RGMA: variants seen among roughly 807,000 people sequenced by gnomAD.
RGMA encodes the protein repulsive guidance molecule A.
In RGMA, 10 loss-of-function variants were observed where a neutral mutation model predicts 23.2. That is an observed-to-expected ratio of 0.43 (90% CI 0.27 to 0.73). The LOEUF (loss-of-function observed/expected upper bound fraction) is 0.73, where lower values mean the gene tolerates loss of function less well. Among genes scored for constraint, RGMA ranks in the 30% least tolerant of loss-of-function variants. The probability of loss-of-function intolerance (pLI) is 0.20; values close to 1 mark genes in which losing one functional copy is unlikely to be tolerated. For missense variants in RGMA, 547 were observed against 630.5 expected (o/e 0.87, Z 1.42); for synonymous variants, 308 against 279.3 (o/e 1.10, Z -1.03).
At chr15:93,057,590 G>A (rs2055035143) in intron 2 of RGMA, among the ~76,000 whole-genome samples, 1 of 152,118 alleles carries the variant, frequency 6.6e-6, no homozygotes. Flanking sequence ...CCTAGGCTGG[G>A]GTATTTTCTT....
chr15:93,074,942 C>T (rs554084962), intron 1 of RGMA, among the ~76,000 whole-genome samples: 1 of 152,272 alleles, frequency 6.6e-6, no homozygotes, highest in East Asian at 1.9e-4. Context: ...TTCCAAGTCA[C>T]CTGGACAGTA....
chr15:93,044,978 C>G lies in RGMA; in HGVS notation c.*20G>C. On this transcript the variant is annotated 3_prime_UTR_variant, in exon 4 of 4. Coordinates refer to ENST00000329082, the MANE Select transcript of RGMA (RefSeq NM_020211.3). ...GAAGCCGAGAGGACGGAGCCCGCGC[C>G]TCCCTCCACATCTACGCGTCTAGCA... 1,758 of 1,468,440 alleles carry G rather than the reference C, an allele frequency of 1.2e-3. No individual in the cohort carries two copies. The highest frequency in any genetic ancestry group is 1.5e-3 in the Non-Finnish European group (1,616 of 1,060,374). 91.0% of individuals were successfully genotyped at this position (1,468,440 alleles called of 1,614,324 possible). A position where few individuals can be genotyped will look rare whatever the true frequency, so the allele number is the denominator to read the frequency against.
intron 2 of RGMA, among the ~76,000 whole-genome samples, chr15:93,053,462 T>A (rs2054961668): frequency 6.6e-6 from 1 of 152,232 alleles, no homozygotes; most frequent in Non-Finnish European, 1.5e-5. Context: ...AGCCCAGTCC[T>A]GGCCTGGGTG....
chr15:93,065,522 C>A, intron 2 of RGMA: 1 of 625,372 alleles, frequency 1.6e-6, no homozygotes, highest in Non-Finnish European at 3.1e-6. Context: ...GGGTAGGGTA[C>A]AGGTCAGTTG....
chr15:93,048,337 G>A (rs1228432687), intron 3 of RGMA, among the ~76,000 whole-genome samples: 1 of 152,114 alleles, frequency 6.6e-6, no homozygotes, highest in African/African-American at 2.4e-5. Context: ...GCTGGGAGGA[G>A]CTGAACGAGG....
intron 2 of RGMA, 21 bp downstream of exon 2, chr15:93,072,895 G>A: frequency 6.3e-7 from 1 of 1,584,550 alleles, no homozygotes; most frequent in Non-Finnish European, 8.6e-7. Context: ...GGCCCCGCGC[G>A]CCCGGCCGGC....
chr15:93,058,843 G>T (rs1186064525), intron 2 of RGMA, among the ~76,000 whole-genome samples: 1 of 152,190 alleles, frequency 6.6e-6, no homozygotes, highest in African/African-American at 2.4e-5. Context: ...AAGAGTTCTT[G>T]TCTTGGGGGC....
intron 1 of RGMA, 143 bp from the exon 2 acceptor site, chr15:93,073,174 G>C (rs1424700335): frequency 8.3e-6 from 10 of 1,202,984 alleles, no homozygotes; most frequent in Non-Finnish European, 1.0e-5. Flanking sequence ...TTCCCGCGCC[G>C]CCCCCCGCGC....
chr15:93,086,429 T>G (rs1416482009), intron 1 of RGMA, among the ~76,000 whole-genome samples: 1 of 152,200 alleles, frequency 6.6e-6, no homozygotes, highest in Non-Finnish European at 1.5e-5. Context: ...TTCTTTCATG[T>G]CTATACTGCA....
chr15:93,051,403 AC>A (rs1254561262), intron 3 of RGMA, among the ~76,000 whole-genome samples: 1 of 152,214 alleles, frequency 6.6e-6, no homozygotes, highest in African/African-American at 2.4e-5. Context: ...CATCGCCTGA[AC>A]TGGGAGCCAC....
chr15:93,088,805 C>T, intron 1 of RGMA, 114 bp downstream of exon 1: 3 of 1,016,512 alleles, frequency 3.0e-6, no homozygotes, highest in Non-Finnish European at 4.3e-6. Context: ...AAGATGGGAG[C>T]AAGATGAGAC....
At chr15:93,047,407 C>T (rs953130581) in intron 3 of RGMA, among the ~76,000 whole-genome samples, 3 of 152,210 alleles carry the variant, frequency 2.0e-5, no homozygotes, top group Admixed American at 6.5e-5. Context: ...GGACTCCCAG[C>T]CTGAAGCCAC....
intron 3 of RGMA, among the ~76,000 whole-genome samples, chr15:93,049,811 G>GAGTC (rs2054888428): frequency 6.6e-6 from 1 of 152,238 alleles, no homozygotes; most frequent in African/African-American, 2.4e-5. Flanking sequence ...GGGACAGATG[G>GAGTC]AGTCTCTGGC....
At position 93,046,866 on chromosome 15, in the gene RGMA, C is replaced by A. The variant is rs539462266; in HGVS notation, c.646-1161G>T. ...GGAGCCTGTGGCCAGGGGTGAGGGG[C>A]TGGACTGAGCTGCTGGAGCAGCAGC... On this transcript the variant is annotated intron_variant, in intron 3 of 3. Coordinates refer to ENST00000329082, the MANE Select transcript of RGMA (RefSeq NM_020211.3). Among the ~76,000 whole-genome samples the A allele has an allele frequency of 4.6e-5, 7 of 151,482 alleles. No homozygotes were observed. In the South Asian group the frequency reaches 1.3e-3, roughly 27 times the overall value.
chr15:93,087,464 CA>C (rs60714695), intron 1 of RGMA, among the ~76,000 whole-genome samples: 770 of 74,516 alleles, frequency 0.01, 5 homozygotes, highest in African/African-American at 0.037. Context: ...TTTGTATGTG[CA>C]AAAAAAAAAA....
chr15:93,060,816 C>G (rs1430935991), intron 2 of RGMA, among the ~76,000 whole-genome samples: 1 of 152,252 alleles, frequency 6.6e-6, no homozygotes, highest in Middle Eastern at 3.2e-3. Context: ...AGGGCTGGCC[C>G]CTCCTGCTCT....
Position 93,045,194 on chromosome 15 carries a change from C to T in RGMA, c.1157G>A (p.Gly386Asp), listed in dbSNP as rs2054800730. Residue 386 changes from glycine (G) to aspartate (D), a missense_variant, in exon 4 of 4, where the codon GGC (glycine) becomes GAC (aspartate). This residue lies in a region of RGMA where 205 missense variants were observed against 204.1 expected (regional missense o/e 1.00). Transcript: ENST00000329082. The surrounding 1 kb of genome is among the most constrained non-coding windows in gnomAD (Gnocchi z 6.9). The stretch of plus-strand genomic sequence containing the variant: ...GGCGGCCAGTGTGAAGTTCACGTCG[C>T]CCGTGGTGAGGAGGTCGAAGACGCA... Reference protein sequence around the residue: ...QACVFDLLTTGDVNFTLAAYY... With the variant: ...QACVFDLLTTDDVNFTLAAYY... The T allele has an allele frequency of 1.9e-6, 3 of 1,610,318 alleles. No individual in the cohort carries two copies. The East Asian group carries it at 6.7e-5, about 36-fold the overall frequency.
At chr15:93,060,373 G>C (rs1439296380) in intron 2 of RGMA, among the ~76,000 whole-genome samples, 1 of 152,166 alleles carries the variant, frequency 6.6e-6, no homozygotes, top group Non-Finnish European at 1.5e-5. Flanking sequence ...GCTATAGTGG[G>C]GCAAAAAGGA....
chr15:93,075,148 C>T (rs1477903588), intron 1 of RGMA, among the ~76,000 whole-genome samples: 1 of 147,230 alleles, frequency 6.8e-6, no homozygotes, highest in Admixed American at 6.8e-5. Context: ...AACTATGTTA[C>T]AATTTAAAAG....
Sources: allele counts gnomAD v4.1 joint callset (sites outside exome capture counted in the v4.1 genomes callset), GRCh38; gene constraint gnomAD v4.1.1; regional missense constraint gnomAD v4.1.1; non-coding constraint Gnocchi (gnomAD v3.1); transcripts MANE v1.5; gene names NCBI Gene and HGNC (gene_info 2026-07-23, HGNC 2026-07-21).